Variants in GBE1 observed in about 807,000 individuals in gnomAD.
GBE1 encodes the protein 1,4-alpha-glucan-branching enzyme.
In GBE1, 70 loss-of-function variants were observed where a neutral mutation model predicts 88.8. That is an observed-to-expected ratio of 0.79 (90% CI 0.65 to 0.96). GBE1 has a LOEUF of 0.96. Ranked by LOEUF, GBE1 falls within the 40% of genes least tolerant of loss-of-function variation. The pLI is 0.00. For synonymous variants in GBE1, 284 were observed against 300.1 expected (o/e 0.95, Z 0.56); for missense variants, 872 against 871.0 (o/e 1.00, Z -0.01).
At chr3:81,737,328 TA>T (rs1218589555) in intron 1 of GBE1, among the ~76,000 whole-genome samples, 4 of 77,440 alleles carry the variant, frequency 5.2e-5, no homozygotes, top group Admixed American at 2.9e-4. Context: ...TATTTATATA[TA>T]TTTTTATATA....
At chr3:81,724,795 AT>A (rs1245098817) in intron 1 of GBE1, among the ~76,000 whole-genome samples, 2 of 152,230 alleles carry the variant, frequency 1.3e-5, no homozygotes, top group African/African-American at 4.8e-5. Context: ...AAAATAAAAA[AT>A]GTCTTCATAT....
At chr3:81,719,538 A>G (rs1168045885) in intron 1 of GBE1, among the ~76,000 whole-genome samples, 1 of 152,160 alleles carries the variant, frequency 6.6e-6, no homozygotes, top group African/African-American at 2.4e-5. Context: ...TATACAGTCA[A>G]CAAAGAGAAA....
chr3:81,497,153 G>C (rs1702511250), intron 15 of GBE1, among the ~76,000 whole-genome samples: 5 of 152,160 alleles, frequency 3.3e-5, no homozygotes. Context: ...CCACTTGTTG[G>C]TTGGCTTGTT....
rs1705767280 is a variant in GBE1, at chr3:81,705,763, G to T, written c.144-150C>A. 43 of 499,870 alleles carry T rather than the reference G, an allele frequency of 8.6e-5. No homozygotes were observed. The East Asian group carries it at 1.5e-3, about 17-fold the overall frequency. 31.0% of individuals were successfully genotyped at this position (499,870 alleles called of 1,614,324 possible). On this transcript the variant is annotated intron_variant, in intron 1 of 15. Transcript: ENST00000429644. The stretch of plus-strand genomic sequence containing the variant: ...TAAATAATTTCATTTATTAGTAGAG[G>T]CTACCTGGTAGGATAAAATCATTCT...
rs192594817 is a variant in GBE1 at position 81,543,727 on chromosome 3, G to T, written c.1619-6632C>A. Among the ~76,000 whole-genome samples the T allele has an allele frequency of 1.6e-4, 24 of 152,178 alleles. 1 individual carries two copies. In the East Asian group the frequency reaches 4.6e-3, roughly 29 times the overall value. ...CTATAAGTAAGGGTGCTGTGTATAA[G>T]GGCTACTGTGTATAAAAATGGATCA... On this transcript the variant is annotated intron_variant, in intron 12 of 15. Coordinates refer to ENST00000429644, the MANE Select transcript of GBE1 (RefSeq NM_000158.4).
intron 2 of GBE1, among the ~76,000 whole-genome samples, chr3:81,675,694 T>C (rs1252088462): frequency 6.6e-6 from 1 of 152,132 alleles, no homozygotes; most frequent in African/African-American, 2.4e-5. Context: ...CTCTTCATTA[T>C]CTACCATAAC....
chr3:81,650,627 T>C (rs957652351), intron 3 of GBE1, among the ~76,000 whole-genome samples: 6 of 152,216 alleles, frequency 3.9e-5, no homozygotes, highest in Admixed American at 3.9e-4. Flanking sequence ...TATCCAGCCA[T>C]ATAAATGGAA....
At chr3:81,522,675 G>C (rs1350783605) in intron 14 of GBE1, among the ~76,000 whole-genome samples, 2 of 151,466 alleles carry the variant, frequency 1.3e-5, no homozygotes, top group Admixed American at 1.3e-4. Context: ...CTCAGAAAAA[G>C]CAATAATGTA....
chr3:81,722,141 T>C (rs969814868), intron 1 of GBE1, among the ~76,000 whole-genome samples: 6 of 152,192 alleles, frequency 3.9e-5, no homozygotes, highest in Admixed American at 6.5e-5. Context: ...ACTTAGCCGT[T>C]AGAATTAATA....
chr3:81,666,928 T>C (rs1189069092), intron 3 of GBE1, among the ~76,000 whole-genome samples: 1 of 152,220 alleles, frequency 6.6e-6, no homozygotes, highest in Non-Finnish European at 1.5e-5. Flanking sequence ...GAGAGCTCAA[T>C]TGTAGAATAA....
chr3:81,611,856 C>CT (rs1704186716), intron 7 of GBE1, among the ~76,000 whole-genome samples: 1 of 152,034 alleles, frequency 6.6e-6, no homozygotes, highest in African/African-American at 2.4e-5. Flanking sequence ...TTTGCAAATG[C>CT]TTTTTTGATG....
At chr3:81,622,970 C>T (rs1365279961) in intron 7 of GBE1, among the ~76,000 whole-genome samples, 1 of 152,116 alleles carries the variant, frequency 6.6e-6, no homozygotes, top group Non-Finnish European at 1.5e-5. Context: ...CTTAAATCTG[C>T]CCACCAGTTC....
intron 14 of GBE1, among the ~76,000 whole-genome samples, chr3:81,527,565 C>T (rs1006261727): frequency 1.3e-5 from 2 of 152,060 alleles, no homozygotes; most frequent in African/African-American, 4.8e-5. Flanking sequence ...AGGATATGAA[C>T]AGACACTTCT....
intron 7 of GBE1, among the ~76,000 whole-genome samples, chr3:81,594,225 A>T (rs991074365): frequency 6.6e-6 from 1 of 152,138 alleles, no homozygotes; most frequent in Non-Finnish European, 1.5e-5. Flanking sequence ...AAAATTATTA[A>T]TTTTTATAGT....
rs192599922 is a variant in GBE1 at position 81,629,736 on chromosome 3, T to C, written c.992+13045A>G. Among the ~76,000 whole-genome samples, 645 of 152,192 alleles carry C rather than the reference T, an allele frequency of 4.2e-3. 2 individuals are homozygous for C. Among genetic ancestry groups the C allele is most frequent in the African/African-American group, 0.014 (564 of 41,542 alleles). On this transcript the variant is annotated intron_variant, in intron 7 of 15. Coordinates refer to ENST00000429644, the MANE Select transcript of GBE1 (RefSeq NM_000158.4). The stretch of plus-strand genomic sequence containing the variant: ...ATATTTTTTATTATTATTATTATAC[T>C]TTAAGTTTTAGGGTACATGTGCACA...
At chr3:81,581,014 T>A in intron 11 of GBE1, 151 bp downstream of exon 11, 1 of 491,280 alleles carries the variant, frequency 2.0e-6, no homozygotes, top group South Asian at 3.6e-5. Flanking sequence ...CCTGTAAAGA[T>A]ATATATTAAT....
rs377738556 is a variant in GBE1, at chr3:81,712,799, AAAATAAATAAAT to A, written c.144-7198_144-7187del. 4.7e-5 allele frequency among the ~76,000 whole-genome samples: 7 copies of A among 149,392 alleles called. No individual in the cohort carries two copies. The East Asian group carries it at 1.4e-3, about 29-fold the overall frequency. On this transcript the variant is annotated intron_variant, in intron 1 of 15. Coordinates refer to ENST00000429644, the MANE Select transcript of GBE1 (RefSeq NM_000158.4). ...ATACCCTAGAACTTAAAGTATAATA[AAAATAAATAAAT>A]AAATAAATAAATAAAAAAGCTCTCC...
intron 10 of GBE1, among the ~76,000 whole-genome samples, chr3:81,582,575 A>G (rs1019054985): frequency 2.6e-5 from 4 of 152,100 alleles, no homozygotes; most frequent in African/African-American, 9.7e-5. Context: ...AAACTAATGT[A>G]TAGACCTACA....
chr3:81,640,230 T>A lies in GBE1; in HGVS notation c.992+2551A>T, dbSNP rs1704651787. ...CTGTAAGGGTGTTGCCAAAGGAGAT[T>A]AACATTTGAGTCAGTGGACTGGAAA... On this transcript the variant is annotated intron_variant, in intron 7 of 15. Coordinates refer to ENST00000429644, the MANE Select transcript of GBE1 (RefSeq NM_000158.4). Among the ~76,000 whole-genome samples, 2 of 151,742 alleles carry A rather than the reference T, an allele frequency of 1.3e-5. 1 individual carries two copies. The highest frequency in any genetic ancestry group is 4.2e-4 in the South Asian group (2 of 4,802).
Sources: allele counts gnomAD v4.1 joint callset (sites outside exome capture counted in the v4.1 genomes callset), GRCh38; gene constraint gnomAD v4.1.1; transcripts MANE v1.5; gene names NCBI Gene and HGNC (gene_info 2026-07-23, HGNC 2026-07-21).